Variants in TMEM132B observed in about 807,000 individuals in gnomAD.
TMEM132B encodes the protein transmembrane protein 132B.
Under a neutral mutation model 90.8 loss-of-function variants are expected in TMEM132B, and 18 were observed. The ratio of observed to expected loss-of-function variants is 0.20; its 90% CI spans 0.14 to 0.29. The LOEUF (loss-of-function observed/expected upper bound fraction) is 0.29, where lower values mean the gene tolerates loss of function less well. TMEM132B is among the 10% of genes least tolerant of loss of function. TMEM132B has a pLI of 1.00. For synonymous variants in TMEM132B, 504 were observed against 523.3 expected, an observed-to-expected ratio of 0.96 and a Z score of 0.50; for missense variants, 1,096 against 1,326.8, an observed-to-expected ratio of 0.83 and a Z score of 2.70.
chr12:125,206,435 A>G (rs1478317426), intron 1 of TMEM132B, among the ~76,000 whole-genome samples: 3 of 152,036 alleles, frequency 2.0e-5, no homozygotes, highest in Non-Finnish European at 2.9e-5. Context: ...ACAGGGTTTC[A>G]CCATGTTGGC....
At chr12:125,448,998 G>A (rs1196622832) in intron 3 of TMEM132B, among the ~76,000 whole-genome samples, 1 of 127,398 alleles carries the variant, frequency 7.8e-6, no homozygotes, top group African/African-American at 3.1e-5. Flanking sequence ...ATGGAGTCTC[G>A]CTTTGTGCCC....
intron 2 of TMEM132B, among the ~76,000 whole-genome samples, chr12:125,380,553 C>T (rs1005099354): frequency 2.0e-5 from 3 of 152,190 alleles, no homozygotes; most frequent in Non-Finnish European, 4.4e-5. Context: ...CCAAGCACGT[C>T]ATTGGAGTGG....
intron 2 of TMEM132B, among the ~76,000 whole-genome samples, chr12:125,413,804 G>C (rs1466674826): frequency 6.6e-6 from 1 of 152,198 alleles, no homozygotes; most frequent in Admixed American, 6.5e-5. Context: ...CTGTGAACAT[G>C]AGTGTACAAG....
intron 5 of TMEM132B, among the ~76,000 whole-genome samples, chr12:125,597,088 G>T (rs1885456814): frequency 6.6e-6 from 1 of 152,154 alleles, no homozygotes; most frequent in South Asian, 2.1e-4. Flanking sequence ...TGGAGTGAAA[G>T]AATTTTGGTT....
In TMEM132B at chr12:125,308,654, TA is replaced by T. The variant is rs1010683977; in HGVS notation, c.68-40791del. Among the ~76,000 whole-genome samples the T allele has an allele frequency of 2.0e-5, 3 of 152,048 alleles. No individual in the cohort carries two copies. In the East Asian group the frequency reaches 5.8e-4, roughly 29 times the overall value. On this transcript the variant is annotated intron_variant, in intron 1 of 8. Coordinates refer to ENST00000682704, the MANE Select transcript of TMEM132B (RefSeq NM_001366854.1). Reference sequence around the variant, plus strand: ...TAATTGTAATTTTTATTTTGAGGAATAAAAAAAGTGAAAAGTACAAAGAGTA... The same window carrying T: ...TAATTGTAATTTTTATTTTGAGGAATAAAAAAGTGAAAAGTACAAAGAGTA...
At chr12:125,388,371 G>A (rs568405091) in intron 2 of TMEM132B, among the ~76,000 whole-genome samples, 2 of 152,308 alleles carry the variant, frequency 1.3e-5, no homozygotes, top group East Asian at 3.9e-4. Flanking sequence ...AGAGGTTGCA[G>A]TGAGCCAAGA....
intron 5 of TMEM132B, among the ~76,000 whole-genome samples, chr12:125,599,095 C>T (rs1885511496): frequency 6.6e-6 from 1 of 152,164 alleles, no homozygotes; most frequent in African/African-American, 2.4e-5. Context: ...AATTATAGCT[C>T]CCATAATCCT....
At chr12:125,513,605 C>T (rs12578198) in intron 3 of TMEM132B, among the ~76,000 whole-genome samples, 19,634 of 152,034 alleles carry the variant, frequency 0.13, 1,286 homozygotes, top group African/African-American at 0.15. Flanking sequence ...GTTTGGGATA[C>T]AGTTTTCCTA....
chr12:125,400,895 G>GC (rs952210065), intron 2 of TMEM132B, among the ~76,000 whole-genome samples: 15 of 152,120 alleles, frequency 9.9e-5, no homozygotes, highest in African/African-American at 3.1e-4. Flanking sequence ...AAACAGTATT[G>GC]CCCACAGAGT....
At chr12:125,252,485 C>T (rs1011341799) in intron 1 of TMEM132B, among the ~76,000 whole-genome samples, 4 of 152,128 alleles carry the variant, frequency 2.6e-5, no homozygotes, top group Non-Finnish European at 4.4e-5. Flanking sequence ...AAGCAGGTGT[C>T]GTGCGCTGGT....
intron 2 of TMEM132B, among the ~76,000 whole-genome samples, chr12:125,393,355 A>G (rs1026627647): frequency 2.6e-5 from 4 of 152,358 alleles, no homozygotes; most frequent in African/African-American, 9.6e-5. Context: ...ACCACAATGT[A>G]TATGAAAACT....
At position 125,470,657 on chromosome 12, in the gene TMEM132B, G is replaced by A. The variant is rs372038992; in HGVS notation, c.1107-48782G>A. Among the ~76,000 whole-genome samples the A allele has an allele frequency of 3.9e-5, 6 of 152,236 alleles. No homozygotes were observed. In the South Asian group the frequency reaches 8.3e-4, roughly 21 times the overall value. On this transcript the variant is annotated intron_variant, in intron 3 of 8. Coordinates refer to ENST00000682704, the MANE Select transcript of TMEM132B (RefSeq NM_001366854.1). ...AGATTGGGCAAAAAGAAATAGCAAAGAAAATTGTAAAGAAAAGTCCCAAGT... is the reference window on the plus strand; with the variant it reads ...AGATTGGGCAAAAAGAAATAGCAAAAAAAATTGTAAAGAAAAGTCCCAAGT...
intron 1 of TMEM132B, among the ~76,000 whole-genome samples, chr12:125,285,937 T>C (rs951569392): frequency 1.3e-5 from 2 of 152,188 alleles, no homozygotes; most frequent in Non-Finnish European, 1.5e-5. Flanking sequence ...TTTCTGCGCC[T>C]AGACACCCTG....
intron 3 of TMEM132B, among the ~76,000 whole-genome samples, chr12:125,501,257 A>G (rs755623059): frequency 4.6e-5 from 7 of 152,224 alleles, no homozygotes; most frequent in African/African-American, 1.7e-4. Flanking sequence ...ATATTTTAGT[A>G]TATGTATGTT....
Position 125,225,574 on chromosome 12 carries a change from C to G in TMEM132B, c.67+38708C>G, listed in dbSNP as rs538920162. Among the ~76,000 whole-genome samples the G allele has an allele frequency of 1.1e-4, 16 of 152,284 alleles. No individual in the cohort carries two copies. In the East Asian group the frequency reaches 2.7e-3, roughly 26 times the overall value. ...ACTCTATCGCAGTGGGCTGACTGCT[C>G]TAACAAACAACTCCCACATCTCAGT... is the stretch of plus-strand genomic sequence containing the variant. On this transcript the variant is annotated intron_variant, in intron 1 of 8. Transcript: ENST00000682704.
intron 2 of TMEM132B, among the ~76,000 whole-genome samples, chr12:125,412,055 G>A (rs956833625): frequency 6.6e-6 from 1 of 152,122 alleles, no homozygotes; most frequent in Non-Finnish European, 1.5e-5. Context: ...GGAAGATTTG[G>A]ACTGTCTCCC....
At chr12:125,609,132 C>T (rs111331447) in intron 5 of TMEM132B, among the ~76,000 whole-genome samples, 5 of 152,214 alleles carry the variant, frequency 3.3e-5, no homozygotes, top group South Asian at 2.1e-4. Flanking sequence ...GGGGAAACCA[C>T]CCCCATCATT....
At chr12:125,211,467 G>C (rs1252584635) in intron 1 of TMEM132B, among the ~76,000 whole-genome samples, 3 of 152,170 alleles carry the variant, frequency 2.0e-5, no homozygotes, top group Non-Finnish European at 4.4e-5. Flanking sequence ...AGCCCACTGA[G>C]GGGGAGCGAG....
At chr12:125,414,336 CTGCTA>C (rs1454453780) in intron 2 of TMEM132B, among the ~76,000 whole-genome samples, 1 of 151,802 alleles carries the variant, frequency 6.6e-6, no homozygotes, top group African/African-American at 2.4e-5. Flanking sequence ...CCTAGACCTG[CTGCTA>C]TGTGTGGATT....
Sources: allele counts gnomAD v4.1 joint callset (sites outside exome capture counted in the v4.1 genomes callset), GRCh38; gene constraint gnomAD v4.1.1; transcripts MANE v1.5; gene names NCBI Gene and HGNC (gene_info 2026-07-23, HGNC 2026-07-21).